OGG1: variants seen among roughly 807,000 people sequenced by gnomAD.
OGG1 encodes the protein N-glycosylase/DNA lyase.
In OGG1, 35 loss-of-function variants were observed where a neutral mutation model predicts 42.3. The observed-to-expected ratio is 0.83, with a 90% confidence interval of 0.63 to 1.10. The LOEUF is 1.10. OGG1 is among the 50% of genes least tolerant of loss of function. OGG1 has a pLI of 0.00. For missense variants in OGG1, 484 were observed against 446.7 expected (o/e 1.08, Z -0.75); for synonymous variants, 189 against 179.0 (o/e 1.06, Z -0.44).
chr3:9,757,096 T>C lies in OGG1; in HGVS notation c.984T>C (p.His328=). The part of the protein sequence containing the change: ...LFSADLRQSR[H]AQEPPAKRRK... The stretch of plus-strand genomic sequence containing the variant: ...GTGCCGACCTGCGCCAATCCCGCCA[T>C]GCTCAGGAGCCACCAGCAAAGCGCA... Residue 328 remains histidine (H), a synonymous_variant, in exon 7 of 7, where the codon CAT becomes CAC. Transcript: ENST00000344629. The surrounding 1 kb of genome is among the most constrained non-coding windows in gnomAD (Gnocchi z 4.5). 3 of 1,614,160 alleles carry C rather than the reference T, an allele frequency of 1.9e-6. No homozygotes were observed.
At chr3:9,785,354 C>T in intron 3 of OGG1, 1 of 1,614,032 alleles carries the variant, frequency 6.2e-7, no homozygotes, top group South Asian at 1.1e-5. Context: ...AGGTGCTTGC[C>T]CCGTCAGCCC....
chr3:9,759,464 C>T (rs558795108), downstream of OGG1: 1 of 1,614,098 alleles, frequency 6.2e-7, no homozygotes, highest in South Asian at 1.1e-5. Flanking sequence ...GAGGCTGGGA[C>T]CAGAACTAGG....
At chr3:9,778,255 C>G (rs116568136) in intron 2 of OGG1, among the ~76,000 whole-genome samples, 1 of 152,146 alleles carries the variant, frequency 6.6e-6, no homozygotes, top group Non-Finnish European at 1.5e-5. Flanking sequence ...GGTGTCTTTT[C>G]TCTCTGAGAA....
downstream of OGG1, chr3:9,760,242 C>T (rs78826916): frequency 6.2e-6 from 1 of 161,340 alleles, no homozygotes; most frequent in Admixed American, 6.4e-5. Context: ...GACTGCGTCT[C>T]AAAAAAGAAA....
downstream of OGG1, chr3:9,761,083 T>A (rs1298184008): frequency 5.5e-6 from 2 of 361,214 alleles, no homozygotes; most frequent in Non-Finnish European, 1.0e-5. Context: ...TTCCCTGACC[T>A]CCCTACTGAA....
intron 3 of OGG1, chr3:9,783,357 T>C (rs888327646): frequency 2.0e-5 from 3 of 151,958 alleles, no homozygotes; most frequent in African/African-American, 7.2e-5. Context: ...TTCACTCTTG[T>C]TGCCCAGGCT....
chr3:9,771,553 T>C (rs538864416), downstream of OGG1, among the ~76,000 whole-genome samples: 1 of 152,308 alleles, frequency 6.6e-6, no homozygotes, highest in East Asian at 1.9e-4. Context: ...CAGTGTAAAC[T>C]GAGACTCAGA....
chr3:9,787,072 A>G (rs766224671), intron 3 of OGG1: 7 of 1,614,092 alleles, frequency 4.3e-6, no homozygotes, highest in African/African-American at 1.3e-5. Flanking sequence ...CCGGCTGTTC[A>G]TGCTGGGCCT....
chr3:9,780,062 A>C, intron 2 of OGG1: 1 of 311,634 alleles, frequency 3.2e-6, no homozygotes, highest in Non-Finnish European at 5.9e-6. Context: ...GGGGTAGGGG[A>C]TTAGGGAGTG....
At chr3:9,766,489 G>GA (rs1006026297) in exon 8 of OGG1, 2,607 of 325,538 alleles carry the variant, frequency 8.0e-3, no homozygotes, top group South Asian at 0.011. Context: ...TCAAAAAAAA[G>GA]AAAAAAAAAA....
At chr3:9,786,511 T>C (rs1160996947) in intron 3 of OGG1, among the ~76,000 whole-genome samples, 1 of 152,180 alleles carries the variant, frequency 6.6e-6, no homozygotes, top group African/African-American at 2.4e-5. Context: ...ACAGGGCCCC[T>C]GAAGCTAGGG....
intron 2 of OGG1, among the ~76,000 whole-genome samples, chr3:9,773,625 T>C (rs1458011219): frequency 1.5e-5 from 2 of 132,236 alleles, no homozygotes; most frequent in Non-Finnish European, 3.4e-5. Flanking sequence ...GGATGATCTT[T>C]TCTTCTTTTT....
intron 2 of OGG1, 22 bp from the exon 3 acceptor site, chr3:9,751,748 C>A: frequency 6.2e-7 from 1 of 1,612,454 alleles, no homozygotes; most frequent in Non-Finnish European, 8.5e-7. Context: ...CCTCTCCTAC[C>A]CCCTGCATTT....
intron 3 of OGG1, among the ~76,000 whole-genome samples, chr3:9,782,968 G>T (rs1396346674): frequency 6.6e-6 from 1 of 152,158 alleles, no homozygotes; most frequent in Non-Finnish European, 1.5e-5. Context: ...CTATACCCTC[G>T]TGATCAATGC....
intron 2 of OGG1, among the ~76,000 whole-genome samples, chr3:9,778,653 G>A (rs1181129775): frequency 6.6e-6 from 1 of 152,136 alleles, no homozygotes; most frequent in Non-Finnish European, 1.5e-5. Flanking sequence ...ATGGCTTATG[G>A]TCCAACAAGA....
chr3:9,754,497 G>A (rs1195051166), intron 3 of OGG1, among the ~76,000 whole-genome samples: 1 of 152,210 alleles, frequency 6.6e-6, no homozygotes, highest in Non-Finnish European at 1.5e-5. Context: ...TTCATAGCAG[G>A]TGCTCAGAAA....
intron 2 of OGG1, among the ~76,000 whole-genome samples, chr3:9,775,532 C>T (rs2078353383): frequency 6.6e-6 from 1 of 152,176 alleles, no homozygotes; most frequent in Non-Finnish European, 1.5e-5. Flanking sequence ...TGCTCACAAA[C>T]CACCAGTGGC....
intron 2 of OGG1, among the ~76,000 whole-genome samples, chr3:9,778,782 A>G (rs2078398260): frequency 6.6e-6 from 1 of 152,284 alleles, no homozygotes; most frequent in South Asian, 2.1e-4. Flanking sequence ...TTGGCACTTG[A>G]CTGGCCAAGC....
chr3:9,764,052 G>A (rs1226560440), intron 7 of OGG1, among the ~76,000 whole-genome samples: 1 of 152,120 alleles, frequency 6.6e-6, no homozygotes, highest in Non-Finnish European at 1.5e-5. Flanking sequence ...CCAGACATAA[G>A]CTCCCCGAAT....
Sources: gnomAD v4.1 joint callset for allele counts (sites outside exome capture counted in the v4.1 genomes callset) on GRCh38, gnomAD v4.1.1 for gene constraint, Gnocchi (gnomAD v3.1) non-coding constraint, MANE v1.5 for transcripts, NCBI Gene and HGNC (gene_info 2026-07-23, HGNC 2026-07-21) for gene names.